OSBPL8: variants seen among roughly 807,000 people sequenced by gnomAD.
OSBPL8 encodes oxysterol binding protein like 8.
Under a neutral mutation model 125.5 loss-of-function variants are expected in OSBPL8, and 59 were observed. The ratio of observed to expected loss-of-function variants is 0.47; its 90% CI spans 0.38 to 0.58. The LOEUF is 0.58. Among genes scored for constraint, OSBPL8 ranks in the 20% least tolerant of loss-of-function variants. The pLI, the probability that OSBPL8 is intolerant of heterozygous loss-of-function variation, is 0.00. For synonymous variants in OSBPL8, 330 were observed against 338.9 expected, an observed-to-expected ratio of 0.97 and a Z score of 0.29; for missense variants, 758 against 1,047.8, an observed-to-expected ratio of 0.72 and a Z score of 3.82.
At chr12:76,396,880 T>C (rs556500857) in intron 8 of OSBPL8, among the ~76,000 whole-genome samples, 3 of 152,220 alleles carry the variant, frequency 2.0e-5, no homozygotes, top group East Asian at 3.9e-4. Context: ...GGCACGCTCA[T>C]GGCTCACTGA....
In OSBPL8 at chr12:76,351,915, AT is replaced by A. The variant is rs1269691895; in HGVS notation, c.*3973del. The A allele has an allele frequency of 6.6e-6, 1 of 152,252 alleles. No homozygotes were observed. The highest frequency in any genetic ancestry group is 1.9e-4 in the East Asian group (1 of 5,204). 9.4% of individuals were successfully genotyped at this position (152,252 alleles called of 1,614,324 possible). ...AGTTATAATAGGTTAGGAATAATAG[AT>A]TAGAAATGTACTACATTACAAAACA... On this transcript the variant is annotated 3_prime_UTR_variant, in exon 24 of 24. Transcript: ENST00000261183.
At position 76,378,533 on chromosome 12, in the gene OSBPL8, T is replaced by C; in HGVS notation, c.1648A>G (p.Ile550Val). 1.3e-6 allele frequency: 2 copies of C among 1,597,482 alleles called. No homozygotes were observed. The highest frequency in any genetic ancestry group is 1.7e-6 in the Non-Finnish European group (2 of 1,169,076). Residue 550 changes from isoleucine (I) to valine (V), a missense_variant, in exon 16 of 24, where the codon ATA (isoleucine) becomes GTA (valine). Physicochemically the swap from Ile to Val is conservative, Grantham distance 29 (BLOSUM62 3). This residue lies in a region of OSBPL8 where 572 missense variants were observed against 762.0 expected (regional missense o/e 0.75). Transcript: ENST00000261183. Reference protein sequence around the residue: ...SKFYGNSLSAILEGEARLTFL... With the variant: ...SKFYGNSLSAVLEGEARLTFL... ...GTTAACCGTGCTTCTCCCTCTAATA[T>C]TGCAGATAATGAGTTTCCTGAAATA...
In OSBPL8 at chr12:76,525,495, C is replaced by A. The variant is rs986745011; in HGVS notation, c.-68+33902G>T. On this transcript the variant is annotated intron_variant, in intron 1 of 23. Coordinates refer to ENST00000261183, the MANE Select transcript of OSBPL8 (RefSeq NM_020841.5). Reference sequence around the variant, plus strand: ...GAATATAAGTAATTTGAGGGAAGAGCAATATTCATTATGCATAAATGGTAA... The same window carrying A: ...GAATATAAGTAATTTGAGGGAAGAGAAATATTCATTATGCATAAATGGTAA... 2.0e-5 allele frequency among the ~76,000 whole-genome samples: 3 copies of A among 152,090 alleles called. No individual in the cohort carries two copies. In the East Asian group the frequency reaches 5.8e-4, roughly 29 times the overall value.
Position 76,424,835 on chromosome 12 carries a change from T to TA in OSBPL8, c.218-14202dup, listed in dbSNP as rs547749526. Among the ~76,000 whole-genome samples the TA allele has an allele frequency of 6.4e-3, 969 of 152,078 alleles. 12 individuals carry two copies. The highest frequency in any genetic ancestry group is 0.023 in the African/African-American group (934 of 41,478). On this transcript the variant is annotated intron_variant, in intron 4 of 23. Transcript: ENST00000261183. ...AGTAAAATCAAGAAAAGGGGTATTTTAAAAAAATAAACAAATATCTATATA... is the reference window on the plus strand; with the variant it reads ...AGTAAAATCAAGAAAAGGGGTATTTTAAAAAAAATAAACAAATATCTATATA...
rs116982474 is a variant in OSBPL8, at chr12:76,425,250, T to C, written c.218-14616A>G. Reference sequence around the variant, plus strand: ...CAAGGTCTCAAAATTTTATTTTCTATGTACCATTTAAAATAATTTACTACA... The same window carrying C: ...CAAGGTCTCAAAATTTTATTTTCTACGTACCATTTAAAATAATTTACTACA... On this transcript the variant is annotated intron_variant, in intron 4 of 23. Coordinates refer to ENST00000261183, the MANE Select transcript of OSBPL8 (RefSeq NM_020841.5). Among the ~76,000 whole-genome samples, 1,233 of 152,356 alleles carry C rather than the reference T, an allele frequency of 8.1e-3. 11 individuals carry two copies. Among genetic ancestry groups the C allele is most frequent in the Admixed American group, 0.016 (244 of 15,296 alleles).
Position 76,487,635 on chromosome 12 carries a change from A to G in OSBPL8, c.-67-17T>C. The G allele has an allele frequency of 2.6e-6, 3 of 1,153,494 alleles. No individual in the cohort carries two copies. Among genetic ancestry groups the G allele is most frequent in the East Asian group, 2.6e-5 (1 of 37,766 alleles). The allele number at this position is 1,153,494 out of a possible 1,614,324, so 71.5% of individuals were successfully genotyped here. ...CTGCAAATCCTAAAATAAGAAAATG[A>G]TATTTATTAGGACTGGTATAAAACT... On this transcript the variant is annotated splice_polypyrimidine_tract_variant and intron_variant, in intron 1 of 23. Coordinates refer to ENST00000261183, the MANE Select transcript of OSBPL8 (RefSeq NM_020841.5).
chr12:76,378,612 A>C, intron 15 of OSBPL8, 62 bp from the exon 16 acceptor site: 1 of 1,188,810 alleles, frequency 8.4e-7, no homozygotes. Flanking sequence ...AAAACAAACA[A>C]AATATATTTA....
At chr12:76,479,978 C>A (rs543410958) in intron 2 of OSBPL8, among the ~76,000 whole-genome samples, 1 of 151,878 alleles carries the variant, frequency 6.6e-6, no homozygotes, top group South Asian at 2.1e-4. Context: ...ACCAGCATAA[C>A]CAACACGGAG....
intron 2 of OSBPL8, among the ~76,000 whole-genome samples, chr12:76,467,722 A>C (rs528081739): frequency 6.6e-6 from 1 of 152,118 alleles, no homozygotes; most frequent in East Asian, 1.9e-4. Context: ...TCATGTGTCA[A>C]CTTCTGCATC....
chr12:76,390,493 T>C lies in OSBPL8; in HGVS notation c.1094A>G (p.Tyr365Cys). The C allele has an allele frequency of 6.2e-7, 1 of 1,613,970 alleles. No homozygotes were observed. The highest frequency in any genetic ancestry group is 8.5e-7 in the Non-Finnish European group (1 of 1,179,936). ...TDTSERQDDS[Y>C]IEPEPVEPLK... ...AGGCTCAACAGGCTCAGGTTCGATA[T>C]ATGAGTCATCTTGTCTTTCTGATGT... The change falls in exon 11 of 24, where the codon TAT becomes TGT. Residue 365 changes from tyrosine (Y) to cysteine (C), a missense_variant. Transcript: ENST00000261183.
At chr12:76,439,919 T>C (rs913533903) in intron 4 of OSBPL8, among the ~76,000 whole-genome samples, 6 of 152,184 alleles carry the variant, frequency 3.9e-5, no homozygotes, top group Admixed American at 2.6e-4. Flanking sequence ...ACCATCATCT[T>C]TCCTGATCTC....
At chr12:76,547,799 A>G (rs1210099425) in intron 1 of OSBPL8, among the ~76,000 whole-genome samples, 1 of 152,200 alleles carries the variant, frequency 6.6e-6, no homozygotes. Context: ...AAACAGTTTC[A>G]TTCAGTTTCC....
At chr12:76,492,458 T>TA (rs1878819848) in intron 1 of OSBPL8, among the ~76,000 whole-genome samples, 1 of 152,196 alleles carries the variant, frequency 6.6e-6, no homozygotes, top group South Asian at 2.1e-4. Flanking sequence ...CACAGACTGA[T>TA]ACGGGTCTGT....
rs77047438 is a variant in OSBPL8, at chr12:76,463,140, G to T, written c.43-3245C>A. ...AGACAAGGGTATAATCACTTAGGAG[G>T]TTACCACTATAATCTAGGAGAGGGG... On this transcript the variant is annotated intron_variant, in intron 2 of 23. Coordinates refer to ENST00000261183, the MANE Select transcript of OSBPL8 (RefSeq NM_020841.5). Among the ~76,000 whole-genome samples the T allele has an allele frequency of 1.3e-3, 192 of 152,258 alleles. 4 individuals are homozygous for T. The East Asian group carries it at 0.033, about 26-fold the overall frequency.
chr12:76,379,147 ACT>A (rs1262138093), intron 15 of OSBPL8, among the ~76,000 whole-genome samples: 6 of 152,224 alleles, frequency 3.9e-5, no homozygotes, highest in Non-Finnish European at 7.3e-5. Context: ...TTAATAAAAC[ACT>A]GTTTCACTGT....
chr12:76,352,252 A>G lies in OSBPL8; in HGVS notation c.*3637T>C, dbSNP rs963237807. On this transcript the variant is annotated 3_prime_UTR_variant, in exon 24 of 24. Coordinates refer to ENST00000261183, the MANE Select transcript of OSBPL8 (RefSeq NM_020841.5). ...TTTTACATAATAAATGCAAAAAGAT[A>G]ACATTTTCTAAATTTTTAGAAAGAA... 1.5e-4 allele frequency: 23 copies of G among 152,544 alleles called. No individual in the cohort carries two copies. Among genetic ancestry groups the G allele is most frequent in the African/African-American group, 5.5e-4 (23 of 41,460 alleles). The allele number at this position is 152,544 out of a possible 1,614,324, so 9.4% of individuals were successfully genotyped here. A position where few individuals can be genotyped will look rare whatever the true frequency, so the allele number is the denominator to read the frequency against.
At chr12:76,524,742 G>A (rs2137286990) in intron 1 of OSBPL8, among the ~76,000 whole-genome samples, 2 of 148,890 alleles carry the variant, frequency 1.3e-5, no homozygotes, top group South Asian at 2.1e-4. Flanking sequence ...GGAGTGCAGT[G>A]GCACAATCCT....
intron 1 of OSBPL8, among the ~76,000 whole-genome samples, chr12:76,513,785 A>T (rs1205876916): frequency 1.8e-5 from 2 of 111,016 alleles, no homozygotes; most frequent in African/African-American, 3.6e-5. Context: ...TTTGTTTGGT[A>T]GATTCTCCTC....
chr12:76,475,778 T>G (rs1876729616), intron 2 of OSBPL8, among the ~76,000 whole-genome samples: 1 of 152,050 alleles, frequency 6.6e-6, no homozygotes, highest in Non-Finnish European at 1.5e-5. Context: ...GGAGGAAGGG[T>G]TGGAAGCCAG....
Sources: gnomAD v4.1 joint callset for allele counts (sites outside exome capture counted in the v4.1 genomes callset) on GRCh38, gnomAD v4.1.1 for gene constraint, gnomAD v4.1.1 regional missense constraint, MANE v1.5 for transcripts, NCBI Gene and HGNC (gene_info 2026-07-23, HGNC 2026-07-21) for gene names.